Variants in EMCN observed in about 807,000 individuals in gnomAD.
EMCN encodes the protein MUC-14.
EMCN carries 37 observed loss-of-function variants against 38.4 expected under a neutral mutation model. The observed-to-expected ratio is 0.96, with a 90% CI of 0.74 to 1.27. EMCN has a LOEUF of 1.27. Ranked by LOEUF, EMCN falls within the 50% of genes most tolerant of loss-of-function variation. The pLI, the probability that EMCN is intolerant of heterozygous loss-of-function variation, is 0.00. For synonymous variants in EMCN, 95 were observed against 100.8 expected (o/e 0.94, Z 0.35); for missense variants, 318 against 302.8 (o/e 1.05, Z -0.37).
chr4:100,434,641 A>G (rs1259424248), intron 5 of EMCN, among the ~76,000 whole-genome samples: 1 of 152,140 alleles, frequency 6.6e-6, no homozygotes, highest in African/African-American at 2.4e-5. Flanking sequence ...ATACTGGCAA[A>G]CCGAATCCAG....
At chr4:100,422,750 C>A (rs1726922956) in intron 7 of EMCN, among the ~76,000 whole-genome samples, 1 of 151,520 alleles carries the variant, frequency 6.6e-6, no homozygotes. Context: ...TTGTTAAACA[C>A]TAAACTAAGA....
intron 10 of EMCN, among the ~76,000 whole-genome samples, chr4:100,412,475 A>G (rs867714349): frequency 2.6e-5 from 4 of 152,056 alleles, no homozygotes; most frequent in African/African-American, 7.2e-5. Flanking sequence ...TAATTTCAAG[A>G]TTTTTCTTTA....
intron 4 of EMCN, among the ~76,000 whole-genome samples, chr4:100,457,202 G>A (rs920145066): frequency 2.0e-5 from 2 of 98,674 alleles, no homozygotes; most frequent in Admixed American, 2.4e-4. Context: ...GTGTGTGTGT[G>A]TGTGTGTGTG....
chr4:100,502,724 A>G (rs1340914288), intron 1 of EMCN, among the ~76,000 whole-genome samples: 2 of 152,314 alleles, frequency 1.3e-5, no homozygotes, highest in East Asian at 1.9e-4. Flanking sequence ...CAGTTTTTGA[A>G]GCTGCTCTAT....
intron 10 of EMCN, among the ~76,000 whole-genome samples, chr4:100,413,471 A>G (rs1263378564): frequency 6.6e-6 from 1 of 152,182 alleles, no homozygotes; most frequent in African/African-American, 2.4e-5. Context: ...GAGTGTAGTG[A>G]GCATAGCATT....
At chr4:100,429,254 T>C (rs1044613962) in intron 5 of EMCN, among the ~76,000 whole-genome samples, 7 of 152,258 alleles carry the variant, frequency 4.6e-5, no homozygotes, top group Non-Finnish European at 8.8e-5. Flanking sequence ...TAATCTATTA[T>C]ATAAGTGAAA....
intron 5 of EMCN, among the ~76,000 whole-genome samples, chr4:100,431,716 A>C (rs1727204215): frequency 1.9e-5 from 1 of 52,754 alleles, no homozygotes; most frequent in Non-Finnish European, 4.0e-5. Flanking sequence ...CAATTCTTAC[A>C]ATACATCTCT....
chr4:100,434,133 TAAA>T (rs1381079107), intron 5 of EMCN, among the ~76,000 whole-genome samples: 3 of 151,676 alleles, frequency 2.0e-5, no homozygotes, highest in Non-Finnish European at 4.4e-5. Flanking sequence ...TCTAGACTAA[TAAA>T]GAAGAAAGGA....
intron 3 of EMCN, among the ~76,000 whole-genome samples, chr4:100,471,834 G>T (rs1424093439): frequency 2.6e-5 from 4 of 151,908 alleles, no homozygotes; most frequent in Non-Finnish European, 5.9e-5. Context: ...TTAAAAACAT[G>T]ATAATCTCAA....
chr4:100,446,457 T>C (rs1727675213), intron 5 of EMCN, among the ~76,000 whole-genome samples: 1 of 152,168 alleles, frequency 6.6e-6, no homozygotes, highest in South Asian at 2.1e-4. Flanking sequence ...AGGTGATTAC[T>C]TAGAATATTT....
intron 10 of EMCN, among the ~76,000 whole-genome samples, chr4:100,410,757 C>G (rs576108383): frequency 3.2e-4 from 48 of 152,222 alleles, no homozygotes; most frequent in African/African-American, 1.1e-3. Context: ...ATTCTAGGGT[C>G]CTTCTGTTTA....
chr4:100,472,944 A>G (rs1728516117), intron 3 of EMCN, among the ~76,000 whole-genome samples: 1 of 149,196 alleles, frequency 6.7e-6, no homozygotes, highest in South Asian at 2.1e-4. Flanking sequence ...AGATATCCCT[A>G]TCATAAAATA....
At chr4:100,505,674 C>T (rs1164422203) in intron 1 of EMCN, among the ~76,000 whole-genome samples, 1 of 152,140 alleles carries the variant, frequency 6.6e-6, no homozygotes. Context: ...ATCTCCCAGA[C>T]TGTGAGCACA....
chr4:100,493,936 T>C (rs1476989424), intron 1 of EMCN, among the ~76,000 whole-genome samples: 1 of 152,212 alleles, frequency 6.6e-6, no homozygotes, highest in Non-Finnish European at 1.5e-5. Context: ...TACTTTTTAA[T>C]TAAAAACAAA....
At chr4:100,430,546 G>T (rs942339340) in intron 5 of EMCN, among the ~76,000 whole-genome samples, 1 of 152,132 alleles carries the variant, frequency 6.6e-6, no homozygotes, top group Non-Finnish European at 1.5e-5. Context: ...AAAGCGTGTC[G>T]TAGAGTTCAT....
chr4:100,439,768 A>G (rs1727458719), intron 5 of EMCN, among the ~76,000 whole-genome samples: 1 of 151,922 alleles, frequency 6.6e-6, no homozygotes, highest in Admixed American at 6.6e-5. Flanking sequence ...ATGTATTGCT[A>G]TAAACTTTTC....
chr4:100,435,215 T>A (rs1240149434), intron 5 of EMCN, among the ~76,000 whole-genome samples: 1 of 152,156 alleles, frequency 6.6e-6, no homozygotes, highest in Non-Finnish European at 1.5e-5. Flanking sequence ...ATCACTAGCA[T>A]TCCTATACAC....
chr4:100,502,023 A>G (rs971753618), intron 1 of EMCN, among the ~76,000 whole-genome samples: 10 of 152,328 alleles, frequency 6.6e-5, no homozygotes, highest in Admixed American at 6.5e-4. Context: ...GGCGAAAGAA[A>G]GAAGAGAAAA....
intron 1 of EMCN, among the ~76,000 whole-genome samples, chr4:100,493,854 C>G (rs1265698022): frequency 2.6e-5 from 4 of 152,142 alleles, no homozygotes; most frequent in Admixed American, 2.6e-4. Context: ...CAGGACAAAT[C>G]CATAATCTGA....
Sources: gnomAD v4.1 joint callset for allele counts (sites outside exome capture counted in the v4.1 genomes callset) on GRCh38, gnomAD v4.1.1 for gene constraint, MANE v1.5 for transcripts, NCBI Gene and HGNC (gene_info 2026-07-23, HGNC 2026-07-21) for gene names.